The following CTNND1 variants were observed in gnomAD, a reference collection of about 807,000 sequenced individuals.
CTNND1 encodes catenin delta-1.
Under a neutral mutation model 112.1 loss-of-function variants are expected in CTNND1, and 16 were observed. The observed-to-expected ratio is 0.14, with a 90% CI of 0.10 to 0.22. CTNND1 has a LOEUF of 0.22. Among genes scored for constraint, CTNND1 ranks in the 10% least tolerant of loss-of-function variants. CTNND1 has a pLI of 1.00. For missense variants in CTNND1, 1,008 were observed against 1,257.0 expected (o/e 0.80, Z 3.00); for synonymous variants, 420 against 446.5 (o/e 0.94, Z 0.75).
chr11:57,764,381 T>C (rs1297029306), intron 1 of CTNND1, among the ~76,000 whole-genome samples: 1 of 152,130 alleles, frequency 6.6e-6, no homozygotes, highest in Non-Finnish European at 1.5e-5. Flanking sequence ...AGAAAAGCAC[T>C]AAGTAATTAC....
intron 3 of CTNND1, 85 bp downstream of exon 3, chr11:57,791,758 C>T: frequency 7.1e-7 from 1 of 1,402,390 alleles, no homozygotes; most frequent in Non-Finnish European, 9.5e-7. Flanking sequence ...AGCTACTCTC[C>T]TTTTGGTGAT....
At chr11:57,773,001 C>CT (rs1371036185) in intron 1 of CTNND1, among the ~76,000 whole-genome samples, 1 of 152,188 alleles carries the variant, frequency 6.6e-6, no homozygotes, top group African/African-American at 2.4e-5. Context: ...AACCAAGAAA[C>CT]TTTTTTTCTT....
At chr11:57,790,295 A>G (rs1228321710) in intron 2 of CTNND1, among the ~76,000 whole-genome samples, 6 of 151,804 alleles carry the variant, frequency 4.0e-5, no homozygotes, top group South Asian at 4.2e-4. Context: ...GTCTTGACCA[A>G]CTGAACCTGA....
intron 2 of CTNND1, among the ~76,000 whole-genome samples, chr11:57,789,883 A>T (rs2060509663): frequency 6.6e-6 from 1 of 152,180 alleles, no homozygotes; most frequent in South Asian, 2.1e-4. Flanking sequence ...GTGCACTTTC[A>T]GAGGTTGAGG....
intron 17 of CTNND1, 40 bp from the exon 18 acceptor site, chr11:57,814,271 G>T: frequency 6.7e-7 from 1 of 1,493,834 alleles, no homozygotes; most frequent in Non-Finnish European, 9.3e-7. Flanking sequence ...AGATTTTGAA[G>T]AATTGTTTTT....
At chr11:57,806,227 T>TTGG (rs55957781) in intron 10 of CTNND1, among the ~76,000 whole-genome samples, 192 bp downstream of exon 10, 6 of 150,024 alleles carry the variant, frequency 4.0e-5, no homozygotes, top group African/African-American at 7.4e-5. Flanking sequence ...TTGTGATGTG[T>TTGG]TGGTGGTGGT....
At chr11:57,775,506 C>T (rs1953990411) in intron 1 of CTNND1, among the ~76,000 whole-genome samples, 1 of 152,078 alleles carries the variant, frequency 6.6e-6, no homozygotes, top group Admixed American at 6.5e-5. Flanking sequence ...GGGGGTTATG[C>T]CAACACTTAG....
At chr11:57,799,792 T>C (rs190096893) in intron 6 of CTNND1, among the ~76,000 whole-genome samples, 1 of 152,240 alleles carries the variant, frequency 6.6e-6, no homozygotes, top group East Asian at 1.9e-4. Flanking sequence ...ATACAGAGCC[T>C]GAAAAACCCA....
At chr11:57,798,182 A>C (rs1212652503) in intron 6 of CTNND1, among the ~76,000 whole-genome samples, 1 of 151,822 alleles carries the variant, frequency 6.6e-6, no homozygotes, top group East Asian at 1.9e-4. Context: ...CCCTGTCTCT[A>C]CTAAAAATAC....
chr11:57,803,907 C>T (rs908723668), intron 8 of CTNND1, 103 bp downstream of exon 8: 45 of 912,002 alleles, frequency 4.9e-5, no homozygotes, highest in Middle Eastern at 2.7e-4. Flanking sequence ...ATTCTTTAGC[C>T]TCCATTCCTA....
chr11:57,806,489 TCTTTTAAGGTGCTTATCTA>T lies in CTNND1; in HGVS notation c.1894+15_1894+33del. ...AGTGGTTCTCCAGAGGTGAGTGGAGTCTTTTAAGGTGCTTATCTACTTCTAATTTGCATGTTTTGATTTT... is the reference window on the plus strand; with the variant it reads ...AGTGGTTCTCCAGAGGTGAGTGGAGTCTTCTAATTTGCATGTTTTGATTTT... On this transcript the variant is annotated intron_variant, in intron 11 of 20. Coordinates refer to ENST00000399050, the MANE Select transcript of CTNND1 (RefSeq NM_001085458.2). The T allele has an allele frequency of 6.3e-7, 1 of 1,597,856 alleles. No homozygotes were observed. The highest frequency in any genetic ancestry group is 1.1e-5 in the South Asian group (1 of 88,262).
chr11:57,790,945 T>A (rs2060673992), intron 2 of CTNND1, among the ~76,000 whole-genome samples: 1 of 152,140 alleles, frequency 6.6e-6, no homozygotes. Context: ...TGTTTAGATG[T>A]GGGAGAGGTT....
At chr11:57,765,745 G>A (rs1044708657) in intron 1 of CTNND1, among the ~76,000 whole-genome samples, 4 of 152,056 alleles carry the variant, frequency 2.6e-5, no homozygotes, top group African/African-American at 9.7e-5. Flanking sequence ...TGGGATTATA[G>A]GTGTGCCCCA....
Position 57,796,949 on chromosome 11 carries a change from G to T in CTNND1, c.913G>T (p.Ala305Ser). The change falls in exon 6 of 21, where the codon GCC becomes TCC. Residue 305 changes from alanine to serine, a missense_variant. Transcript: ENST00000399050. ...TGGTATGATGTCTGATTATGGCACT[G>T]CCCGTCGGACTGGGACACCCTCTGA... ...DYGMMSDYGT[A>S]RRTGTPSDPR... The T allele has an allele frequency of 6.5e-7, 1 of 1,540,194 alleles. No homozygotes were observed. The highest frequency in any genetic ancestry group is 8.8e-7 in the Non-Finnish European group (1 of 1,135,776).
chr11:57,812,435 G>A (rs1390663549), intron 17 of CTNND1, among the ~76,000 whole-genome samples: 5 of 151,970 alleles, frequency 3.3e-5, no homozygotes, highest in African/African-American at 9.7e-5. Context: ...CAGGAGAATC[G>A]CTTGAACCCA....
intron 14 of CTNND1, among the ~76,000 whole-genome samples, chr11:57,808,991 A>G (rs1341451460): frequency 6.6e-6 from 1 of 152,182 alleles, no homozygotes; most frequent in Non-Finnish European, 1.5e-5. Flanking sequence ...TATTCAAGAT[A>G]TTTTCATTAG....
chr11:57,815,896 A>C lies in CTNND1; in HGVS notation c.2809-19A>C. The C allele has an allele frequency of 3.1e-6, 5 of 1,600,368 alleles. No individual in the cohort carries two copies. Among genetic ancestry groups the C allele is most frequent in the Non-Finnish European group, 4.3e-6 (5 of 1,174,400 alleles). On this transcript the variant is annotated intron_variant, in intron 19 of 20. Coordinates refer to ENST00000399050, the MANE Select transcript of CTNND1 (RefSeq NM_001085458.2). Reference sequence around the variant, plus strand: ...GGTTCCTGTCTCTACTCATACTAACAAATTGCATGTGTTCACAGCAGGACG... The same window carrying C: ...GGTTCCTGTCTCTACTCATACTAACCAATTGCATGTGTTCACAGCAGGACG...
chr11:57,809,289 C>T lies in CTNND1; in HGVS notation c.2258C>T (p.Pro753Leu), dbSNP rs2063063835. ...NKELIGKHAI[P>L]NLVKNLPGGQ... ...TTCTTACTAGGTAAACATGCTATTC[C>T]TAACTTGGTAAAGAATCTGCCAGGA... Residue 753 changes from proline (P) to leucine (L), a missense_variant, in exon 15 of 21, where the codon CCT becomes CTT. Transcript: ENST00000399050. The T allele has an allele frequency of 6.2e-7, 1 of 1,613,418 alleles. No homozygotes were observed. Among genetic ancestry groups the T allele is most frequent in the African/African-American group, 1.3e-5 (1 of 75,036 alleles).
At chr11:57,772,654 T>C (rs1952981474) in intron 1 of CTNND1, among the ~76,000 whole-genome samples, 1 of 152,200 alleles carries the variant, frequency 6.6e-6, no homozygotes, top group African/African-American at 2.4e-5. Flanking sequence ...ACCAACTATT[T>C]AGTGATTTGA....
Sources: allele counts gnomAD v4.1 joint callset (sites outside exome capture counted in the v4.1 genomes callset), GRCh38; gene constraint gnomAD v4.1.1; transcripts MANE v1.5; gene names NCBI Gene and HGNC (gene_info 2026-07-23, HGNC 2026-07-21).